Variants in PEX14 observed in about 807,000 individuals in gnomAD.
PEX14 encodes peroxisomal biogenesis factor 14.
In PEX14, 15 loss-of-function variants were observed where a neutral mutation model predicts 49.5. That is an observed-to-expected ratio of 0.30 (90% CI 0.20 to 0.47). The LOEUF (loss-of-function observed/expected upper bound fraction) is 0.47. PEX14 is among the 20% of genes least tolerant of loss of function. PEX14 has a pLI of 1.00. For missense variants in PEX14, 398 were observed against 494.8 expected (o/e 0.80, Z 1.86); for synonymous variants, 210 against 212.7 (o/e 0.99, Z 0.11).
At chr1:10,607,653 C>T (rs952702752) in intron 4 of PEX14, among the ~76,000 whole-genome samples, 1 of 152,088 alleles carries the variant, frequency 6.6e-6, no homozygotes, top group Non-Finnish European at 1.5e-5. Flanking sequence ...TTGAACCTCT[C>T]TTTGTGTGTT....
Position 10,495,079 on chromosome 1 carries a change from C to G in PEX14, c.37-195C>G. The G allele has an allele frequency of 1.0e-6, 1 of 983,636 alleles. No homozygotes were observed. The highest frequency in any genetic ancestry group is 4.7e-5 in the South Asian group (1 of 21,258). The allele number at this position is 983,636 out of a possible 1,614,324, so 60.9% of individuals were successfully genotyped here. A position where few individuals can be genotyped will look rare whatever the true frequency, so the allele number is the denominator to read the frequency against. On this transcript the variant is annotated intron_variant, in intron 1 of 8. Coordinates refer to ENST00000356607, the MANE Select transcript of PEX14 (RefSeq NM_004565.3). The surrounding 1 kb of genome is among the most constrained non-coding windows in gnomAD (Gnocchi z 4.2). Reference sequence around the variant, plus strand: ...TGAACCCAGAAACAGTCTTCATCTTCCCTGGTGAATTCAGACTCTTTGGGC... The same window carrying G: ...TGAACCCAGAAACAGTCTTCATCTTGCCTGGTGAATTCAGACTCTTTGGGC...
At chr1:10,598,266 A>G (rs1268496253) in intron 3 of PEX14, among the ~76,000 whole-genome samples, 1 of 152,176 alleles carries the variant, frequency 6.6e-6, no homozygotes, top group East Asian at 1.9e-4. Context: ...ACACACAGCT[A>G]CTTCCTGAGC....
intron 1 of PEX14, among the ~76,000 whole-genome samples, chr1:10,479,852 C>G (rs1449375225): frequency 6.6e-6 from 1 of 152,192 alleles, no homozygotes; most frequent in African/African-American, 2.4e-5. Context: ...ACCCTTAAAG[C>G]TGGGTGTGGT....
intron 3 of PEX14, among the ~76,000 whole-genome samples, chr1:10,564,480 A>G (rs1639744423): frequency 6.7e-6 from 1 of 150,040 alleles, no homozygotes; most frequent in South Asian, 2.1e-4. Context: ...TCTCTTGCCC[A>G]GACTGGAGTG....
In PEX14 at chr1:10,629,828, C is replaced by T. The variant is rs754716817; in HGVS notation, c.975C>T (p.Asp325=). The change falls in exon 9 of 9, where the codon GAC becomes GAT. Residue 325 remains aspartate (D), a synonymous_variant. Coordinates refer to ENST00000356607, the MANE Select transcript of PEX14 (RefSeq NM_004565.3). This position sits in a 1 kb window ranked among gnomAD's most constrained non-coding sequence, Gnocchi z 8.5. The part of the protein sequence containing the change: ...GEEEKREDKE[D]EEDEEDDDVS... The stretch of plus-strand genomic sequence containing the variant: ...AGGAGAAGAGGGAGGACAAGGAGGA[C>T]GAGGAGGATGAGGAGGATGATGATG... 2.8e-5 allele frequency: 45 copies of T among 1,598,222 alleles called. No homozygotes were observed. Among genetic ancestry groups the T allele is most frequent in the Non-Finnish European group, 3.4e-5 (40 of 1,168,132 alleles).
At chr1:10,586,066 T>A (rs1019113375) in intron 3 of PEX14, among the ~76,000 whole-genome samples, 2 of 152,224 alleles carry the variant, frequency 1.3e-5, no homozygotes, top group African/African-American at 4.8e-5. Flanking sequence ...AAATCTATCA[T>A]AATGGGACGT....
At chr1:10,496,477 C>T (rs114843026) in intron 2 of PEX14, among the ~76,000 whole-genome samples, 1,813 of 152,328 alleles carry the variant, frequency 0.012, 20 homozygotes, top group Middle Eastern at 0.044. Context: ...CTCAGTGCCC[C>T]TCAGGCCGAA....
At position 10,532,215 on chromosome 1, in the gene PEX14, G is replaced by A. The variant is rs551439699; in HGVS notation, c.85-3998G>A. Among the ~76,000 whole-genome samples, 14 of 152,168 alleles carry A rather than the reference G, an allele frequency of 9.2e-5. No homozygotes were observed. In the East Asian group the frequency reaches 2.5e-3, roughly 27 times the overall value. Reference sequence around the variant, plus strand: ...TGCTGACAGTGACTCCAGTGACTCCGGTGTAACCATTGTTATGAGACTGCA... The same window carrying A: ...TGCTGACAGTGACTCCAGTGACTCCAGTGTAACCATTGTTATGAGACTGCA... On this transcript the variant is annotated intron_variant, in intron 2 of 8. Transcript: ENST00000356607.
intron 2 of PEX14, among the ~76,000 whole-genome samples, chr1:10,506,251 G>C (rs906810892): frequency 6.6e-6 from 1 of 152,098 alleles, no homozygotes; most frequent in Admixed American, 6.6e-5. Flanking sequence ...TGTGAAGAGA[G>C]GGTTCTGCAA....
intron 3 of PEX14, among the ~76,000 whole-genome samples, chr1:10,543,025 A>G (rs1027383620): frequency 2.6e-5 from 4 of 152,376 alleles, no homozygotes; most frequent in Admixed American, 2.0e-4. Context: ...AACATGGACT[A>G]TAGGTAGAAG....
At position 10,629,861 on chromosome 1, in the gene PEX14, T is replaced by G. The variant is rs770817636; in HGVS notation, c.1008T>G (p.His336Gln). 6.2e-7 allele frequency: 1 copy of G among 1,611,530 alleles called. No individual in the cohort carries two copies. Among genetic ancestry groups the G allele is most frequent in the Non-Finnish European group, 8.5e-7 (1 of 1,178,388 alleles). The stretch of plus-strand genomic sequence containing the variant: ...ATGAGGAGGATGATGATGTGAGCCA[T>G]GTGGACGAGGAGGACTGCCTGGGGG... ...EEDEEDDDVS[H>Q]VDEEDCLGVQ... The change falls in exon 9 of 9, where the codon CAT becomes CAG. Residue 336 changes from histidine to glutamine, a missense_variant. Physicochemically the swap from His to Gln is conservative, Grantham distance 24. Coordinates refer to ENST00000356607, the MANE Select transcript of PEX14 (RefSeq NM_004565.3). This position sits in a 1 kb window ranked among gnomAD's most constrained non-coding sequence, Gnocchi z 8.5.
In PEX14 at chr1:10,597,119, A is replaced by G. The variant is rs1221952614; in HGVS notation, c.170-2119A>G. ...ACTGTATATTTCCCCAGTGTTAAACATTATTGTACTTGTTTATATTTGAAA... is the reference window on the plus strand; with the variant it reads ...ACTGTATATTTCCCCAGTGTTAAACGTTATTGTACTTGTTTATATTTGAAA... On this transcript the variant is annotated intron_variant, in intron 3 of 8. Coordinates refer to ENST00000356607, the MANE Select transcript of PEX14 (RefSeq NM_004565.3). This position sits in a 1 kb window ranked among gnomAD's most constrained non-coding sequence, Gnocchi z 5.7. Among the ~76,000 whole-genome samples the G allele has an allele frequency of 6.6e-6, 1 of 152,248 alleles. No homozygotes were observed. Among genetic ancestry groups the G allele is most frequent in the Non-Finnish European group, 1.5e-5 (1 of 68,044 alleles).
intron 4 of PEX14, among the ~76,000 whole-genome samples, chr1:10,600,313 C>T (rs1037725290): frequency 1.4e-4 from 21 of 151,922 alleles, no homozygotes; most frequent in African/African-American, 5.1e-4. Context: ...CCCTGCTACT[C>T]AGGAGGCTGA....
intron 3 of PEX14, among the ~76,000 whole-genome samples, chr1:10,560,352 C>T (rs960385997): frequency 3.3e-5 from 5 of 152,118 alleles, no homozygotes; most frequent in Non-Finnish European, 5.9e-5. Context: ...CCACCATGCC[C>T]GGCCTTCCAT....
rs56306413 is a variant in PEX14, at chr1:10,514,156, CTGTGTGTGTGTGTGTGTGTGTG to C, written c.84+18857_84+18878del. Among the ~76,000 whole-genome samples, 1 of 143,176 alleles carries C rather than the reference CTGTGTGTGTGTGTGTGTGTGTG, an allele frequency of 7.0e-6. No individual in the cohort carries two copies. Among genetic ancestry groups the C allele is most frequent in the African/African-American group, 2.5e-5 (1 of 39,328 alleles). The allele number at this position is 143,176 out of a possible 152,430, so 93.9% of individuals were successfully genotyped here. A position where few individuals can be genotyped will look rare whatever the true frequency, so the allele number is the denominator to read the frequency against. ...AAAATGTATAAAATAATCTATGCCT[CTGTGTGTGTGTGTGTGTGTGTG>C]TGTGTGTGTGTGTGTGTGTGTATGG... On this transcript the variant is annotated intron_variant, in intron 2 of 8. Coordinates refer to ENST00000356607, the MANE Select transcript of PEX14 (RefSeq NM_004565.3). The surrounding 1 kb of genome is among the most constrained non-coding windows in gnomAD (Gnocchi z 4.4).
Position 10,585,323 on chromosome 1 carries a change from C to A in PEX14, c.170-13915C>A, listed in dbSNP as rs905518068. Among the ~76,000 whole-genome samples, 10 of 152,102 alleles carry A rather than the reference C, an allele frequency of 6.6e-5. No homozygotes were observed. In the East Asian group the frequency reaches 1.9e-3, roughly 29 times the overall value. ...GACTACAAGGTAATAGAGAGAAAAA[C>A]TGAATTAAAAAGAAGACAGGAGAGA... On this transcript the variant is annotated intron_variant, in intron 3 of 8. Transcript: ENST00000356607.
chr1:10,588,509 A>C (rs553849973), intron 3 of PEX14, among the ~76,000 whole-genome samples: 20 of 152,276 alleles, frequency 1.3e-4, no homozygotes, highest in African/African-American at 4.3e-4. Context: ...AAAGTCCAAA[A>C]ATGTTTAAAT....
In PEX14 at chr1:10,539,487, T is replaced by G. The variant is rs1430145600; in HGVS notation, c.169+3190T>G. Among the ~76,000 whole-genome samples, 1 of 152,192 alleles carries G rather than the reference T, an allele frequency of 6.6e-6. No individual in the cohort carries two copies. The highest frequency in any genetic ancestry group is 1.5e-5 in the Non-Finnish European group (1 of 68,046). Reference sequence around the variant, plus strand: ...CCTTCAGAGTATTAGAATAAATGTTTTTGTTTTCCTTCCAACCACTTGATT... The same window carrying G: ...CCTTCAGAGTATTAGAATAAATGTTGTTGTTTTCCTTCCAACCACTTGATT... On this transcript the variant is annotated intron_variant, in intron 3 of 8. Coordinates refer to ENST00000356607, the MANE Select transcript of PEX14 (RefSeq NM_004565.3). This position sits in a 1 kb window ranked among gnomAD's most constrained non-coding sequence, Gnocchi z 4.6.
chr1:10,584,237 T>C (rs1030175441), intron 3 of PEX14, among the ~76,000 whole-genome samples: 4 of 152,174 alleles, frequency 2.6e-5, no homozygotes, highest in African/African-American at 9.7e-5. Context: ...TTTGGAGTTG[T>C]CATTAACTAG....
Sources: gnomAD v4.1 joint callset for allele counts (sites outside exome capture counted in the v4.1 genomes callset) on GRCh38, gnomAD v4.1.1 for gene constraint, Gnocchi (gnomAD v3.1) non-coding constraint, MANE v1.5 for transcripts, NCBI Gene and HGNC (gene_info 2026-07-23, HGNC 2026-07-21) for gene names.